XKR6: variants seen among roughly 807,000 people sequenced by gnomAD.
XKR6 encodes the protein XK-related protein 6.
A neutral mutation model predicts 56.7 loss-of-function variants in XKR6; 22 were observed. That is an observed-to-expected ratio of 0.39 (90% CI 0.28 to 0.55). The LOEUF (loss-of-function observed/expected upper bound fraction) is 0.55. XKR6 is among the 20% of genes least tolerant of loss of function. The probability of loss-of-function intolerance (pLI) is 0.66; values close to 1 mark genes in which losing one functional copy is unlikely to be tolerated. For missense variants in XKR6, 852 were observed against 889.0 expected (o/e 0.96, Z 0.53); for synonymous variants, 524 against 387.8 (o/e 1.35, Z -4.13).
intron 1 of XKR6, among the ~76,000 whole-genome samples, chr8:11,100,862 T>G (rs1798446650): frequency 6.6e-6 from 1 of 152,224 alleles, no homozygotes. Context: ...TCCGAGTCAG[T>G]GCTTTGAAAG....
At chr8:11,153,946 T>A (rs1478534319) in intron 1 of XKR6, among the ~76,000 whole-genome samples, 1 of 152,220 alleles carries the variant, frequency 6.6e-6, no homozygotes, top group Non-Finnish European at 1.5e-5. Context: ...TCTTCCTAAT[T>A]GGTCTCTCCG....
intron 1 of XKR6, among the ~76,000 whole-genome samples, chr8:10,930,390 A>G (rs548401774): frequency 6.6e-6 from 1 of 152,330 alleles, no homozygotes; most frequent in South Asian, 2.1e-4. Flanking sequence ...AATTGCACCA[A>G]CTGTACACAA....
chr8:11,108,832 C>T (rs1208244380), intron 1 of XKR6: 2 of 155,666 alleles, frequency 1.3e-5, no homozygotes, highest in Non-Finnish European at 2.8e-5. Flanking sequence ...AGTCCCTACA[C>T]CCACAGAAAC....
intron 1 of XKR6, among the ~76,000 whole-genome samples, chr8:11,084,615 C>G (rs1194997429): frequency 6.6e-6 from 1 of 152,250 alleles, no homozygotes; most frequent in Non-Finnish European, 1.5e-5. Context: ...GCTCCACCCA[C>G]CAGCCTGGTG....
At chr8:11,143,110 G>T (rs1312682275) in intron 1 of XKR6, among the ~76,000 whole-genome samples, 3 of 152,046 alleles carry the variant, frequency 2.0e-5, no homozygotes, top group African/African-American at 7.2e-5. Context: ...GAATGACAAA[G>T]TCAAATACCA....
intron 1 of XKR6, among the ~76,000 whole-genome samples, chr8:11,045,525 C>G (rs1334257272): frequency 6.6e-6 from 1 of 152,180 alleles, no homozygotes; most frequent in Non-Finnish European, 1.5e-5. Flanking sequence ...AAACTATTTT[C>G]TCTTTTAATC....
chr8:11,194,995 C>T, intron 1 of XKR6: 1 of 577,788 alleles, frequency 1.7e-6, no homozygotes. Context: ...TTTAGGGTTA[C>T]TGTTCACTCA....
intron 1 of XKR6, among the ~76,000 whole-genome samples, chr8:11,145,718 G>C (rs76719150): frequency 0.025 from 3,842 of 152,208 alleles, 73 homozygotes; most frequent in African/African-American, 0.047. Flanking sequence ...TAAATAAATG[G>C]AGAGATACGC....
chr8:10,899,010 C>A (rs1799964338), intron 2 of XKR6, 94 bp from the exon 3 acceptor site: 1 of 1,491,758 alleles, frequency 6.7e-7, no homozygotes, highest in Non-Finnish European at 8.9e-7. Flanking sequence ...CCACATACAC[C>A]ACGATCTAAA....
At chr8:11,092,276 C>A (rs760869490) in intron 1 of XKR6, among the ~76,000 whole-genome samples, 10 of 152,094 alleles carry the variant, frequency 6.6e-5, no homozygotes, top group South Asian at 2.1e-4. Context: ...TGTGCACGCA[C>A]ACACACACAC....
intron 1 of XKR6, among the ~76,000 whole-genome samples, chr8:11,009,251 C>T (rs1251252106): frequency 1.3e-5 from 2 of 152,188 alleles, no homozygotes; most frequent in African/African-American, 4.8e-5. Flanking sequence ...TGACTCACAC[C>T]TGTAATCCCA....
intron 1 of XKR6, chr8:11,128,894 T>C (rs1471768684): frequency 6.6e-6 from 3 of 456,742 alleles, no homozygotes; most frequent in Non-Finnish European, 1.3e-5. Context: ...CCTTGGTCAC[T>C]GCTAACTGAT....
intron 1 of XKR6, chr8:11,108,094 C>T (rs889091033): frequency 3.0e-6 from 1 of 331,904 alleles, no homozygotes; most frequent in Admixed American, 4.6e-5. Context: ...ATCCCAGATC[C>T]GAAAACAGAG....
At chr8:11,049,907 G>A (rs1049067067) in intron 1 of XKR6, among the ~76,000 whole-genome samples, 6 of 152,142 alleles carry the variant, frequency 3.9e-5, no homozygotes, top group Non-Finnish European at 8.8e-5. Context: ...GAGGCTAGAA[G>A]GACATTTCCC....
At chr8:11,110,367 G>A (rs1309357414) in intron 1 of XKR6, among the ~76,000 whole-genome samples, 1 of 152,158 alleles carries the variant, frequency 6.6e-6, no homozygotes, top group Admixed American at 6.5e-5. Flanking sequence ...GGAGCCAGGG[G>A]TATTGGGGTA....
chr8:11,200,137 C>G lies in XKR6; in HGVS notation c.764+439G>C, dbSNP rs28694715. ...CACGCAGGCCACTGCAGAGGGAGAA[C>G]GGGGGAAGAGGGGAGGATGTCTCAC... is the stretch of plus-strand genomic sequence containing the variant. On this transcript the variant is annotated intron_variant, in intron 1 of 2. Transcript: ENST00000416569. This position sits in a 1 kb window ranked among gnomAD's most constrained non-coding sequence, Gnocchi z 6.4. 3.6e-3 allele frequency among the ~76,000 whole-genome samples: 547 copies of G among 152,182 alleles called. 2 individuals carry two copies. Among genetic ancestry groups the G allele is most frequent in the African/African-American group, 0.012 (515 of 41,536 alleles).
intron 1 of XKR6, chr8:11,138,675 T>G (rs1800526135): frequency 6.6e-6 from 1 of 152,198 alleles, no homozygotes; most frequent in Non-Finnish European, 1.5e-5. Context: ...ATCAGTTTTT[T>G]AAAACATCAA....
At chr8:10,916,578 G>A (rs1037541042) in intron 2 of XKR6, among the ~76,000 whole-genome samples, 5 of 152,216 alleles carry the variant, frequency 3.3e-5, no homozygotes, top group Admixed American at 6.5e-5. Context: ...TGATCCAACC[G>A]CTAAGAGTCG....
rs565801573 is a variant in XKR6, at chr8:11,096,930, T to C, written c.764+103646A>G. On this transcript the variant is annotated intron_variant, in intron 1 of 2. Transcript: ENST00000416569. ...GACATTTGGTTTCAGGATGGCAGATTCTGAGAGATTTCGCCCACTTGCATA... is the reference window on the plus strand; with the variant it reads ...GACATTTGGTTTCAGGATGGCAGATCCTGAGAGATTTCGCCCACTTGCATA... Among the ~76,000 whole-genome samples, 6 of 152,374 alleles carry C rather than the reference T, an allele frequency of 3.9e-5. No individual in the cohort carries two copies. The South Asian group carries it at 6.2e-4, about 16-fold the overall frequency.
Sources: gnomAD v4.1 joint callset for allele counts (sites outside exome capture counted in the v4.1 genomes callset) on GRCh38, gnomAD v4.1.1 for gene constraint, Gnocchi (gnomAD v3.1) non-coding constraint, MANE v1.5 for transcripts, NCBI Gene and HGNC (gene_info 2026-07-23, HGNC 2026-07-21) for gene names.